MACROD1: variants seen among roughly 807,000 people sequenced by gnomAD.
The protein encoded by MACROD1 is mono-ADP ribosylhydrolase 1.
Under a neutral mutation model 41.4 loss-of-function variants are expected in MACROD1, and 31 were observed. The ratio of observed to expected loss-of-function variants is 0.75; its 90% confidence interval spans 0.56 to 1.01. The LOEUF (loss-of-function observed/expected upper bound fraction) is 1.01, where lower values mean the gene tolerates loss of function less well. Ranked by LOEUF, MACROD1 falls within the 50% of genes least tolerant of loss-of-function variation. The pLI, the probability that MACROD1 is intolerant of heterozygous loss-of-function variation, is 0.00. For synonymous variants in MACROD1, 252 were observed against 203.4 expected, an observed-to-expected ratio of 1.24 and a Z score of -2.03; for missense variants, 473 against 460.0, an observed-to-expected ratio of 1.03 and a Z score of -0.26.
At chr11:64,086,249 G>T (rs1048207450) in intron 3 of MACROD1, among the ~76,000 whole-genome samples, 2 of 151,722 alleles carry the variant, frequency 1.3e-5, no homozygotes, top group African/African-American at 4.8e-5. Context: ...CTTGCATTCG[G>T]GGCCAGAGGG....
chr11:64,108,070 T>C lies in MACROD1; in HGVS notation c.517+43169A>G, dbSNP rs1253149936. On this transcript the variant is annotated intron_variant, in intron 3 of 10. Coordinates refer to ENST00000255681, the MANE Select transcript of MACROD1 (RefSeq NM_014067.4). The stretch of plus-strand genomic sequence containing the variant: ...TTGAGACCCCTGTAATCCCAGCACT[T>C]TGGGAGGCCGAGGCGGGCAGATCAC... Among the ~76,000 whole-genome samples, 2 of 152,006 alleles carry C rather than the reference T, an allele frequency of 1.3e-5. 1 individual carries two copies. The highest frequency in any genetic ancestry group is 2.9e-5 in the Non-Finnish European group (2 of 67,988).
intron 3 of MACROD1, among the ~76,000 whole-genome samples, chr11:64,149,855 A>G (rs569443806): frequency 5.3e-5 from 8 of 152,324 alleles, no homozygotes; most frequent in African/African-American, 1.9e-4. Flanking sequence ...AGGCCGCTGT[A>G]ATGTCTGCCA....
chr11:64,068,717 G>A (rs974995003), intron 3 of MACROD1, among the ~76,000 whole-genome samples: 1 of 152,232 alleles, frequency 6.6e-6, no homozygotes, highest in Non-Finnish European at 1.5e-5. Flanking sequence ...GCTGAGGGCA[G>A]AGAAGCTGCA....
chr11:64,040,603 G>T (rs1383217082), intron 3 of MACROD1, among the ~76,000 whole-genome samples: 1 of 152,238 alleles, frequency 6.6e-6, no homozygotes, highest in Non-Finnish European at 1.5e-5. Context: ...AGAGCTGTGT[G>T]TTCACCTGCG....
intron 3 of MACROD1, among the ~76,000 whole-genome samples, chr11:64,115,233 A>G (rs1944955897): frequency 6.6e-6 from 1 of 152,214 alleles, no homozygotes; most frequent in South Asian, 2.1e-4. Context: ...CACTATGAAC[A>G]GTAAAATAAT....
intron 3 of MACROD1, among the ~76,000 whole-genome samples, chr11:64,020,885 A>AT (rs948782334): frequency 2.0e-4 from 31 of 151,942 alleles, no homozygotes; most frequent in African/African-American, 5.8e-4. Flanking sequence ...TGCCTGGCTA[A>AT]TTTTTTTTAT....
intron 3 of MACROD1, chr11:64,116,241 G>T: frequency 6.3e-7 from 1 of 1,579,140 alleles, no homozygotes. Flanking sequence ...CAGGCCAGGT[G>T]GGGCCGGACG....
intron 3 of MACROD1, among the ~76,000 whole-genome samples, chr11:64,113,603 GTGGA>G (rs138402349): frequency 0.87 from 102,668 of 117,390 alleles, 44,855 homozygotes; most frequent in Middle Eastern, 0.91. Flanking sequence ...GGATGGTTAG[GTGGA>G]TGGATGGATG....
At chr11:64,006,176 C>T (rs983295223) in intron 4 of MACROD1, among the ~76,000 whole-genome samples, 4 of 152,234 alleles carry the variant, frequency 2.6e-5, no homozygotes, top group African/African-American at 9.6e-5. Context: ...GCCACAAAGA[C>T]CGGATAAGTG....
At chr11:64,163,050 G>A (rs543486567) in intron 1 of MACROD1, among the ~76,000 whole-genome samples, 9 of 152,082 alleles carry the variant, frequency 5.9e-5, no homozygotes, top group African/African-American at 2.2e-4. Context: ...GAACCCCGGA[G>A]GCGGAGGTTG....
chr11:64,034,302 AGC>A (rs1943332811), intron 3 of MACROD1, among the ~76,000 whole-genome samples: 3 of 152,238 alleles, frequency 2.0e-5, no homozygotes, highest in Admixed American at 2.0e-4. Context: ...CCTGGAAGGG[AGC>A]AGAGGAACGG....
intron 3 of MACROD1, among the ~76,000 whole-genome samples, chr11:64,109,739 C>T (rs560258604): frequency 6.6e-6 from 1 of 152,132 alleles, no homozygotes; most frequent in African/African-American, 2.4e-5. Context: ...CAGCTCTGTG[C>T]GGCCCAGACA....
intron 2 of MACROD1, 64 bp downstream of exon 2, chr11:64,152,228 C>T (rs957189245): frequency 4.2e-6 from 6 of 1,434,664 alleles, no homozygotes; most frequent in Non-Finnish European, 5.9e-6. Context: ...TTCTTGTCTG[C>T]ACAATTCTCC....
chr11:64,148,660 T>A lies in MACROD1; in HGVS notation c.517+2579A>T, dbSNP rs1307091494. On this transcript the variant is annotated intron_variant, in intron 3 of 10. Transcript: ENST00000255681. Reference sequence around the variant, plus strand: ...AGAATTTAATGGACACGTATTCTCTTCCTGCTTGAAACTTTACATATGAAT... The same window carrying A: ...AGAATTTAATGGACACGTATTCTCTACCTGCTTGAAACTTTACATATGAAT... 9 of 876,902 alleles carry A rather than the reference T, an allele frequency of 1.0e-5. No homozygotes were observed. The East Asian group carries it at 8.5e-4, about 83-fold the overall frequency. 54.3% of individuals were successfully genotyped at this position (876,902 alleles called of 1,614,324 possible).
chr11:64,003,769 C>G (rs577290606), intron 4 of MACROD1, among the ~76,000 whole-genome samples: 1 of 152,360 alleles, frequency 6.6e-6, no homozygotes, highest in Admixed American at 6.5e-5. Flanking sequence ...GGGCCTCGCC[C>G]TGAACCACTC....
rs900595856 is a variant in MACROD1 at position 64,118,162 on chromosome 11, A to G, written c.517+33077T>C. On this transcript the variant is annotated intron_variant, in intron 3 of 10. Transcript: ENST00000255681. ...ATCAACCCGTACCGCGCCAAAGAAGAGTACGTGGTCCACACTATCTTCCCC... is the reference window on the plus strand; with the variant it reads ...ATCAACCCGTACCGCGCCAAAGAAGGGTACGTGGTCCACACTATCTTCCCC... 11 of 1,613,628 alleles carry G rather than the reference A, an allele frequency of 6.8e-6. No individual in the cohort carries two copies. Among genetic ancestry groups the G allele is most frequent in the Middle Eastern group, 3.3e-4 (2 of 6,082 alleles).
intron 3 of MACROD1, among the ~76,000 whole-genome samples, chr11:64,037,867 T>C (rs1176352837): frequency 6.6e-6 from 1 of 152,166 alleles, no homozygotes; most frequent in African/African-American, 2.4e-5. Flanking sequence ...CCCTTGTTGG[T>C]AAAATGGGAT....
chr11:64,000,966 G>A (rs529796188), intron 4 of MACROD1: 125 of 171,278 alleles, frequency 7.3e-4, no homozygotes, highest in African/African-American at 2.7e-3. Flanking sequence ...CCCGACGCCC[G>A]GGCCCGAGTC....
chr11:64,081,398 A>T (rs1304082427), intron 3 of MACROD1, among the ~76,000 whole-genome samples: 1 of 152,160 alleles, frequency 6.6e-6, no homozygotes, highest in Non-Finnish European at 1.5e-5. Flanking sequence ...GTGCTCAGGG[A>T]CGTTACAACA....
Sources: gnomAD v4.1 joint callset for allele counts (sites outside exome capture counted in the v4.1 genomes callset) on GRCh38, gnomAD v4.1.1 for gene constraint, MANE v1.5 for transcripts, NCBI Gene and HGNC (gene_info 2026-07-23, HGNC 2026-07-21) for gene names.